The following PCDHGA4 variants were observed in gnomAD, a reference collection of about 807,000 sequenced individuals.
The protein encoded by PCDHGA4 is protocadherin gamma subfamily A, 4.
PCDHGA4 carries 38 observed loss-of-function variants against 54.6 expected under a neutral mutation model. That is an observed-to-expected ratio of 0.70 (90% CI 0.54 to 0.91). The LOEUF (loss-of-function observed/expected upper bound fraction) is 0.91. PCDHGA4 is among the 40% of genes least tolerant of loss of function. PCDHGA4 has a pLI of 0.00. For missense variants in PCDHGA4, 1,298 were observed against 1,220.9 expected (o/e 1.06, Z -0.94); for synonymous variants, 511 against 512.9 (o/e 1.00, Z 0.05).
intron 1 of PCDHGA4, chr5:141,399,723 C>T: frequency 6.2e-7 from 1 of 1,613,322 alleles, no homozygotes; most frequent in Non-Finnish European, 8.5e-7. Flanking sequence ...AGGCCCGCGA[C>T]CAGGGCTCGC....
intron 1 of PCDHGA4, among the ~76,000 whole-genome samples, chr5:141,458,663 G>A (rs1045303205): frequency 2.6e-5 from 4 of 151,804 alleles, no homozygotes; most frequent in Admixed American, 6.6e-5. Context: ...TCCACCTCTC[G>A]GGTTCAAGCA....
At position 141,409,480 on chromosome 5, in the gene PCDHGA4, CAG is replaced by C. The variant is rs761811893; in HGVS notation, c.2514+51860_2514+51861del. 9 of 1,614,002 alleles carry C rather than the reference CAG, an allele frequency of 5.6e-6. No homozygotes were observed. In the Admixed American group the frequency reaches 8.3e-5, roughly 15 times the overall value. On this transcript the variant is annotated intron_variant, in intron 1 of 3. Transcript: ENST00000571252. ...ACAATGTCACCATCGTAGCCACTGA[CAG>C]GGGCAAGCCGCCTCTTTCTTCCAGT...
Position 141,505,374 on chromosome 5 carries a change from C to T in PCDHGA4, c.2574-19C>T. The T allele has an allele frequency of 2.5e-6, 4 of 1,614,004 alleles. No homozygotes were observed. Among genetic ancestry groups the T allele is most frequent in the Non-Finnish European group, 2.5e-6 (3 of 1,179,944 alleles). On this transcript the variant is annotated intron_variant, in intron 2 of 3. Coordinates refer to ENST00000571252, the MANE Select transcript of PCDHGA4 (RefSeq NM_018917.4). Reference sequence around the variant, plus strand: ...TGCCGGCCTGGGAGTCTGTGCTCACCATCCTACTCTCTCCCCAGCTCCCAA... The same window carrying T: ...TGCCGGCCTGGGAGTCTGTGCTCACTATCCTACTCTCTCCCCAGCTCCCAA...
intron 1 of PCDHGA4, among the ~76,000 whole-genome samples, chr5:141,480,299 C>T: frequency 7.5e-6 from 1 of 132,466 alleles, no homozygotes; most frequent in Non-Finnish European, 1.6e-5. Flanking sequence ...CCTGTGGTAC[C>T]AGCTACTTGG....
At chr5:141,454,087 T>A (rs1251936767) in intron 1 of PCDHGA4, among the ~76,000 whole-genome samples, 4 of 152,198 alleles carry the variant, frequency 2.6e-5, no homozygotes, top group Non-Finnish European at 5.9e-5. Context: ...TCAGTGAAAT[T>A]TGAATTGAAC....
chr5:141,415,977 C>A (rs1479258110), intron 1 of PCDHGA4: 2 of 354,488 alleles, frequency 5.6e-6, no homozygotes, highest in Non-Finnish European at 9.4e-6. Context: ...CCTTAAGCAA[C>A]CCTCTTGTTC....
chr5:141,382,807 T>TC (rs1430207152), intron 1 of PCDHGA4: 2 of 1,107,572 alleles, frequency 1.8e-6, no homozygotes, highest in Non-Finnish European at 2.6e-6. Context: ...GATTCTGAGC[T>TC]CCCCTTCCTA....
chr5:141,486,894 C>T lies in PCDHGA4; in HGVS notation c.2515-7913C>T. 1 of 1,614,228 alleles carries T rather than the reference C, an allele frequency of 6.2e-7. No homozygotes were observed. Among genetic ancestry groups the T allele is most frequent in the Non-Finnish European group, 8.5e-7 (1 of 1,180,052 alleles). On this transcript the variant is annotated intron_variant, in intron 1 of 3. Transcript: ENST00000571252. The surrounding 1 kb of genome is among the most constrained non-coding windows in gnomAD (Gnocchi z 5.0). ...CTCCGTCCTCGGGCCCGGCCTGGTT[C>T]CTTATGTCCCCAAGCACTGCCTCCA...
Position 141,490,350 on chromosome 5 carries a change from G to T in PCDHGA4, c.2515-4457G>T. On this transcript the variant is annotated intron_variant, in intron 1 of 3. Transcript: ENST00000571252. This position sits in a 1 kb window ranked among gnomAD's most constrained non-coding sequence, Gnocchi z 5.4. Reference sequence around the variant, plus strand: ...GCACACCAGTGGGCACAGTAGTGGGGTTGTTTAATGTGCGAGACCGGGACT... The same window carrying T: ...GCACACCAGTGGGCACAGTAGTGGGTTTGTTTAATGTGCGAGACCGGGACT... 2 of 1,614,204 alleles carry T rather than the reference G, an allele frequency of 1.2e-6. No homozygotes were observed. The highest frequency in any genetic ancestry group is 1.7e-6 in the Non-Finnish European group (2 of 1,180,034).
chr5:141,449,475 C>T (rs1351574160), intron 1 of PCDHGA4, among the ~76,000 whole-genome samples: 8 of 150,696 alleles, frequency 5.3e-5, no homozygotes, highest in African/African-American at 1.9e-4. Flanking sequence ...GGCCTGGTAC[C>T]CCATGCCTAA....
chr5:141,506,246 C>T (rs1049014492), intron 3 of PCDHGA4, among the ~76,000 whole-genome samples: 3 of 151,958 alleles, frequency 2.0e-5, no homozygotes, highest in South Asian at 4.2e-4. Context: ...GTCAGGAGTT[C>T]GAAACCGGCC....
chr5:141,403,354 G>A, intron 1 of PCDHGA4: 7 of 1,614,048 alleles, frequency 4.3e-6, no homozygotes, highest in Non-Finnish European at 5.9e-6. Flanking sequence ...CAAAGTTCCA[G>A]GCCGAAAGTC....
chr5:141,419,325 ACT>A (rs1329600066), intron 1 of PCDHGA4: 33 of 1,613,586 alleles, frequency 2.0e-5, no homozygotes, highest in Non-Finnish European at 2.6e-5. Flanking sequence ...CGTGTCTCCT[ACT>A]CTCTCATTGC....
At chr5:141,488,991 T>G in intron 1 of PCDHGA4, 1 of 414,332 alleles carries the variant, frequency 2.4e-6, no homozygotes, top group Non-Finnish European at 4.3e-6. Flanking sequence ...AGAGCTGAGG[T>G]GGGAGATCTG....
chr5:141,358,915 G>A (rs28587232), intron 1 of PCDHGA4, among the ~76,000 whole-genome samples: 3,974 of 152,296 alleles, frequency 0.026, 167 homozygotes, highest in African/African-American at 0.091. Context: ...AATATTTTGT[G>A]TGTAGGGGAT....
chr5:141,474,500 C>G (rs183956979), intron 1 of PCDHGA4, among the ~76,000 whole-genome samples: 31 of 152,324 alleles, frequency 2.0e-4, no homozygotes, highest in African/African-American at 6.3e-4. Context: ...CTTCTAATGC[C>G]TATCAGCCCT....
At chr5:141,380,278 A>G (rs1443350334) in intron 1 of PCDHGA4, among the ~76,000 whole-genome samples, 3 of 152,216 alleles carry the variant, frequency 2.0e-5, no homozygotes, top group African/African-American at 7.2e-5. Context: ...TCAGAGGAGA[A>G]ACATTGGAAG....
chr5:141,420,308 T>C (rs1486910909), intron 1 of PCDHGA4: 3 of 1,457,838 alleles, frequency 2.1e-6, no homozygotes, highest in Non-Finnish European at 9.2e-7. Context: ...ATCCTTTTTA[T>C]ATTACAATAT....
At chr5:141,389,982 C>T in intron 1 of PCDHGA4, 1 of 1,614,034 alleles carries the variant, frequency 6.2e-7, no homozygotes, top group Non-Finnish European at 8.5e-7. Context: ...GATCTCAGTG[C>T]TCTTCCTCGT....
Sources: gnomAD v4.1 joint callset for allele counts (sites outside exome capture counted in the v4.1 genomes callset) on GRCh38, gnomAD v4.1.1 for gene constraint, Gnocchi (gnomAD v3.1) non-coding constraint, MANE v1.5 for transcripts, NCBI Gene and HGNC (gene_info 2026-07-23, HGNC 2026-07-21) for gene names.